Variants in FRMPD4 observed in about 807,000 individuals in gnomAD.
FRMPD4 encodes the protein FERM and PDZ domain-containing protein 4.
FRMPD4 carries 22 observed loss-of-function variants against 94.1 expected under a neutral mutation model. The ratio of observed to expected loss-of-function variants is 0.23; its 90% CI spans 0.17 to 0.33. The LOEUF is 0.33. Ranked by LOEUF, FRMPD4 falls within the 10% of genes least tolerant of loss-of-function variation. The probability of loss-of-function intolerance (pLI) is 1.00; values close to 1 mark genes in which losing one functional copy is unlikely to be tolerated. For synonymous variants in FRMPD4, 631 were observed against 548.6 expected (o/e 1.15, Z -2.10); for missense variants, 1,111 against 1,339.9 (o/e 0.83, Z 2.67).
intron 1 of FRMPD4, among the ~76,000 whole-genome samples, chrX:12,266,353 T>C (rs980159108): frequency 3.6e-5 from 4 of 110,848 alleles, no homozygotes; most frequent in African/African-American, 1.3e-4. Context: ...ATCCATTGGG[T>C]TTACTTTTCT....
chrX:12,611,632 A>G (rs767983653), intron 3 of FRMPD4, among the ~76,000 whole-genome samples: 2 of 112,296 alleles, frequency 1.8e-5, no homozygotes, highest in African/African-American at 6.4e-5. Context: ...GGGAAACGAA[A>G]CTCAAGTAGC....
intron 1 of FRMPD4, among the ~76,000 whole-genome samples, chrX:12,157,493 A>G (rs2055952831): frequency 9.0e-6 from 1 of 111,455 alleles, no homozygotes; most frequent in Non-Finnish European, 1.9e-5. Flanking sequence ...GAGTTGACAA[A>G]GAAAGGCTTT....
chrX:12,006,932 TCTC>T (rs1403105555), intron 3 of FRMPD4, among the ~76,000 whole-genome samples: 1 of 111,751 alleles, frequency 8.9e-6, no homozygotes, highest in Non-Finnish European at 1.9e-5. Flanking sequence ...AGGTCAGTCT[TCTC>T]CTCTTCTACT....
intron 1 of FRMPD4, among the ~76,000 whole-genome samples, chrX:12,185,279 A>C (rs1049299841): frequency 1.8e-5 from 2 of 112,046 alleles, no homozygotes; most frequent in African/African-American, 6.5e-5. Context: ...TTCACGTCTT[A>C]AAATAAATAG....
chrX:12,515,554 G>A (rs1359455296), intron 2 of FRMPD4, among the ~76,000 whole-genome samples: 2 of 111,914 alleles, frequency 1.8e-5, no homozygotes, highest in Non-Finnish European at 3.8e-5. Flanking sequence ...TGATCTGAAA[G>A]GCTGTTATGA....
At chrX:12,420,739 T>A (rs1346383378) in intron 1 of FRMPD4, among the ~76,000 whole-genome samples, 2 of 112,315 alleles carry the variant, frequency 1.8e-5, no homozygotes, top group Non-Finnish European at 3.8e-5. Flanking sequence ...ACCCTATGTG[T>A]GCTCTGTGAT....
intron 1 of FRMPD4, among the ~76,000 whole-genome samples, chrX:12,296,307 G>A (rs2054771173): frequency 8.9e-6 from 1 of 111,867 alleles, no homozygotes; most frequent in African/African-American, 3.3e-5. Context: ...TAACCTAAGG[G>A]CAGTAGTATT....
intron 1 of FRMPD4, among the ~76,000 whole-genome samples, chrX:12,365,954 C>T (rs947069042): frequency 8.9e-6 from 1 of 112,551 alleles, no homozygotes; most frequent in Non-Finnish European, 1.9e-5. Flanking sequence ...CTGTGCTCAG[C>T]ACTGGAGAGA....
chrX:12,141,426 G>T (rs908259110), intron 1 of FRMPD4, among the ~76,000 whole-genome samples: 1 of 112,076 alleles, frequency 8.9e-6, no homozygotes, highest in Non-Finnish European at 1.9e-5. Flanking sequence ...TAATTACAGA[G>T]AATTCCAAGA....
At chrX:12,392,517 G>A (rs1279737303) in intron 1 of FRMPD4, among the ~76,000 whole-genome samples, 1 of 108,826 alleles carries the variant, frequency 9.2e-6, no homozygotes, top group Non-Finnish European at 1.9e-5. Flanking sequence ...GCCCGGCGTG[G>A]CGGTGCTTGC....
At chrX:12,628,328 C>T (rs2059365042) in intron 4 of FRMPD4, among the ~76,000 whole-genome samples, 1 of 111,911 alleles carries the variant, frequency 8.9e-6, no homozygotes, top group East Asian at 2.8e-4. Context: ...TTTACCCACT[C>T]CTGGGTCACA....
At position 12,290,160 on chromosome X, in the gene FRMPD4, T is replaced by G. The variant is rs1397543613; in HGVS notation, c.41+151148T>G. ...CCCCCAGGGAAAACAAGTGGATTTC[T>G]GTGTTAGGATTAGCAAGACAGGGCT... On this transcript the variant is annotated intron_variant, in intron 1 of 16. Coordinates refer to ENST00000675598, the MANE Select transcript of FRMPD4 (RefSeq NM_001368397.1). 3.6e-5 allele frequency among the ~76,000 whole-genome samples: 4 copies of G among 111,651 alleles called. No homozygotes were observed. In the Admixed American group the frequency reaches 3.8e-4, roughly 11 times the overall value.
At chrX:12,471,885 C>A (rs897526202) in intron 1 of FRMPD4, among the ~76,000 whole-genome samples, 1 of 112,014 alleles carries the variant, frequency 8.9e-6, no homozygotes, top group African/African-American at 3.2e-5. Context: ...AAAGTTCACT[C>A]TGTTCACCAT....
At chrX:12,416,771 A>G (rs1408755241) in intron 1 of FRMPD4, among the ~76,000 whole-genome samples, 1 of 111,808 alleles carries the variant, frequency 8.9e-6, no homozygotes, top group East Asian at 2.8e-4. Flanking sequence ...CTAGCATGTT[A>G]AAAATCAAAA....
At chrX:12,254,977 A>T (rs2054094990) in intron 1 of FRMPD4, among the ~76,000 whole-genome samples, 1 of 111,177 alleles carries the variant, frequency 9.0e-6, no homozygotes, top group African/African-American at 3.3e-5. Context: ...CCCCAATTTC[A>T]TTAAGATCCT....
intron 1 of FRMPD4, among the ~76,000 whole-genome samples, chrX:12,256,901 T>A (rs1279845012): frequency 8.9e-6 from 1 of 112,102 alleles, no homozygotes; most frequent in Non-Finnish European, 1.9e-5. Flanking sequence ...ATCCCTTAAA[T>A]GTTTGTTCTA....
chrX:12,155,457 G>A (rs142435480), intron 1 of FRMPD4, among the ~76,000 whole-genome samples: 5,303 of 109,034 alleles, frequency 0.049, 303 homozygotes, highest in African/African-American at 0.17. Flanking sequence ...GGCCACTTTA[G>A]GGTTGGTAAA....
At chrX:12,045,574 A>G (rs766101984) in intron 3 of FRMPD4, among the ~76,000 whole-genome samples, 107 of 111,254 alleles carry the variant, frequency 9.6e-4, no homozygotes, top group Non-Finnish European at 1.8e-3. Context: ...TTGCAGAGGA[A>G]GTCTTCCATT....
chrX:12,539,736 C>T (rs1238148687), intron 2 of FRMPD4, among the ~76,000 whole-genome samples: 2 of 110,493 alleles, frequency 1.8e-5, no homozygotes, highest in East Asian at 2.8e-4. Flanking sequence ...CAGGTTCAAG[C>T]GATTCTCCTG....
Sources: gnomAD v4.1 joint callset for allele counts (sites outside exome capture counted in the v4.1 genomes callset) on GRCh38, gnomAD v4.1.1 for gene constraint, MANE v1.5 for transcripts, NCBI Gene and HGNC (gene_info 2026-07-23, HGNC 2026-07-21) for gene names.